Variants in C8B observed in about 807,000 individuals in gnomAD.
C8B encodes the protein complement C8 beta chain.
Under a neutral mutation model 64.6 loss-of-function variants are expected in C8B, and 67 were observed. The observed-to-expected ratio is 1.04, with a 90% CI of 0.85 to 1.27. The LOEUF is 1.27. Among genes scored for constraint, C8B ranks in the 50% most tolerant of loss-of-function variants. The pLI is 0.00. For missense variants in C8B, 790 were observed against 725.2 expected (o/e 1.09, Z -1.03); for synonymous variants, 284 against 257.7 (o/e 1.10, Z -0.98).
intron 8 of C8B, among the ~76,000 whole-genome samples, chr1:56,942,272 T>A (rs1397083400): frequency 6.6e-6 from 1 of 151,190 alleles, no homozygotes; most frequent in East Asian, 2.0e-4. Context: ...TAAGTAAGCA[T>A]GCAGCTGACA....
At position 56,940,951 on chromosome 1, in the gene C8B, A is replaced by T. The variant is rs759514357; in HGVS notation, c.1296T>A (p.Ser432Arg). 41 of 1,614,058 alleles carry T rather than the reference A, an allele frequency of 2.5e-5. No individual in the cohort carries two copies. The highest frequency in any genetic ancestry group is 3.5e-5 in the Non-Finnish European group (41 of 1,180,002). ...DLVVLVRGGA[S>R]EHITTLAYQE... ...GGTATGCCAGGGTGGTGATGTGCTC[A>T]CTTGCCCCTCCTCGTACCAGGACCA... Residue 432 changes from serine to arginine, a missense_variant, in exon 9 of 12, where the codon AGT becomes AGA. Transcript: ENST00000371237.
At chr1:56,932,975 A>G (rs1283993232) in intron 10 of C8B, among the ~76,000 whole-genome samples, 3 of 152,026 alleles carry the variant, frequency 2.0e-5, no homozygotes, top group African/African-American at 7.2e-5. Flanking sequence ...TTTAACAATC[A>G]AGTTCTAGTG....
chr1:56,934,199 C>A (rs1489388752), intron 9 of C8B, among the ~76,000 whole-genome samples: 2 of 144,808 alleles, frequency 1.4e-5, no homozygotes, highest in Non-Finnish European at 3.0e-5. Flanking sequence ...ATTGTAAGCT[C>A]CCAGAGATCA....
intron 10 of C8B, among the ~76,000 whole-genome samples, chr1:56,932,764 C>T (rs1295188634): frequency 6.6e-6 from 1 of 152,182 alleles, no homozygotes; most frequent in Non-Finnish European, 1.5e-5. Context: ...ACTTCATCCA[C>T]GTGGGCTCTG....
chr1:56,958,505 A>G (rs562041306), intron 2 of C8B, among the ~76,000 whole-genome samples: 59 of 152,194 alleles, frequency 3.9e-4, no homozygotes, highest in African/African-American at 1.3e-3. Context: ...GAAAAAAAAA[A>G]GACTAAAAAG....
At chr1:56,950,193 A>G (rs1270946184) in intron 5 of C8B, among the ~76,000 whole-genome samples, 2 of 152,198 alleles carry the variant, frequency 1.3e-5, no homozygotes, top group Admixed American at 1.3e-4. Flanking sequence ...TTCTCCTGAA[A>G]TCTGGGAGTA....
chr1:56,933,629 C>G, intron 9 of C8B, 141 bp from the exon 10 acceptor site: 1 of 736,522 alleles, frequency 1.4e-6, no homozygotes. Context: ...GATCTCCCAT[C>G]TTCTCTCTGC....
In C8B at chr1:56,946,008, C is replaced by T. The variant is rs1432752748; in HGVS notation, c.918G>A (p.Leu306=). The change falls in exon 7 of 12, where the codon CTG becomes CTA. Residue 306 remains leucine, a synonymous_variant. Transcript: ENST00000371237. ...RSDLEVAHYK[L]KPRSLMLHYE... is the part of the protein sequence containing the mutation. ...AATGGAGCATGAGGCTTCTGGGTTT[C>T]AGCTTGTAATGTGCTACTTCAAGGT... is the stretch of plus-strand genomic sequence containing the variant. The T allele has an allele frequency of 3.1e-6, 5 of 1,614,136 alleles. No homozygotes were observed. In the South Asian group the frequency reaches 5.5e-5, roughly 18 times the overall value.
intron 3 of C8B, among the ~76,000 whole-genome samples, chr1:56,956,034 T>C (rs1391978974): frequency 6.6e-6 from 1 of 152,198 alleles, no homozygotes; most frequent in Non-Finnish European, 1.5e-5. Context: ...TGTCAGTCTA[T>C]CCATCTGTCC....
chr1:56,929,591 G>A, intron 11 of C8B, 33 bp from the exon 12 acceptor site: 1 of 1,607,146 alleles, frequency 6.2e-7, no homozygotes, highest in East Asian at 2.2e-5. Context: ...GCATCAATCA[G>A]CACTTCTTAT....
Position 56,956,912 on chromosome 1 carries a change from T to G in C8B, c.250-2A>C. 2 of 1,614,058 alleles carry G rather than the reference T, an allele frequency of 1.2e-6. No homozygotes were observed. The highest frequency in any genetic ancestry group is 1.7e-4 in the Middle Eastern group (1 of 6,052). ...CTGGAGCAAGTAGGCATACCTGTAC[T>G]GTAGCAGAGAGGAGCCAGGTGAACC... is the stretch of plus-strand genomic sequence containing the variant. On this transcript the variant is annotated splice_acceptor_variant, in intron 2 of 11. Transcript: ENST00000371237. LOFTEE classifies it high-confidence loss of function.
At chr1:56,930,697 T>C (rs532231804) in intron 11 of C8B, among the ~76,000 whole-genome samples, 6 of 152,324 alleles carry the variant, frequency 3.9e-5, no homozygotes, top group East Asian at 3.9e-4. Context: ...TAGTGACCCA[T>C]TGAACCTCAG....
chr1:56,933,186 T>C (rs891990546), intron 10 of C8B, 149 bp downstream of exon 10: 23 of 733,968 alleles, frequency 3.1e-5, no homozygotes, highest in Admixed American at 2.5e-4. Context: ...CCCTTGGGGC[T>C]AGAACCCAGG....
At position 56,945,685 on chromosome 1, in the gene C8B, A is replaced by T. The variant is rs879154565; in HGVS notation, c.1105+136T>A. 3.6e-6 allele frequency: 4 copies of T among 1,111,680 alleles called. No individual in the cohort carries two copies. In the South Asian group the frequency reaches 3.9e-5, roughly 11 times the overall value. The allele number at this position is 1,111,680 out of a possible 1,614,324, so 68.9% of individuals were successfully genotyped here. On this transcript the variant is annotated intron_variant, in intron 7 of 11. Coordinates refer to ENST00000371237, the MANE Select transcript of C8B (RefSeq NM_000066.4). ...AGGCAGAGGAGGACTGACATTGTCA[A>T]TCAAAAAGAAGAGGAAGAGGAATCT... is the stretch of plus-strand genomic sequence containing the variant.
chr1:56,958,730 G>A (rs1242999968), intron 2 of C8B, among the ~76,000 whole-genome samples: 1 of 152,164 alleles, frequency 6.6e-6, no homozygotes, highest in Non-Finnish European at 1.5e-5. Context: ...TTATGGTGCA[G>A]ATGAAGCAAT....
intron 1 of C8B, among the ~76,000 whole-genome samples, chr1:56,960,942 G>A (rs1352609096): frequency 6.6e-6 from 1 of 152,150 alleles, no homozygotes; most frequent in Admixed American, 6.5e-5. Context: ...TGGATCTCAG[G>A]ATGAGAGATT....
chr1:56,934,366 A>T (rs2101361707), intron 9 of C8B, among the ~76,000 whole-genome samples: 1 of 152,300 alleles, frequency 6.6e-6, no homozygotes, highest in South Asian at 2.1e-4. Context: ...AAGAATCAGC[A>T]GATGCTGCTC....
chr1:56,952,222 C>T lies in C8B; in HGVS notation c.534-42G>A, dbSNP rs201159708. On this transcript the variant is annotated intron_variant, in intron 4 of 11. Coordinates refer to ENST00000371237, the MANE Select transcript of C8B (RefSeq NM_000066.4). ...GAGATGGCGAAGAGGTTAAAGTTTG[C>T]GGTTGCTTAATCTTGACTGTCAGAC... is the stretch of plus-strand genomic sequence containing the variant. 2.6e-5 allele frequency: 42 copies of T among 1,612,070 alleles called. No homozygotes were observed. The African/African-American group carries it at 3.5e-4, about 13-fold the overall frequency.
At chr1:56,956,940 G>A (rs2101453521) in intron 2 of C8B, 30 bp from the exon 3 acceptor site, 1 of 1,613,596 alleles carries the variant, frequency 6.2e-7, no homozygotes, top group African/African-American at 1.3e-5. Flanking sequence ...GGTGAACCAA[G>A]GGTAAAGCCT....
Sources: gnomAD v4.1 joint callset for allele counts (sites outside exome capture counted in the v4.1 genomes callset) on GRCh38, gnomAD v4.1.1 for gene constraint, MANE v1.5 for transcripts, NCBI Gene and HGNC (gene_info 2026-07-23, HGNC 2026-07-21) for gene names.